The following IDE variants were observed in gnomAD, a reference collection of about 807,000 sequenced individuals.
IDE encodes insulin-degrading enzyme.
IDE carries 58 observed loss-of-function variants against 133.2 expected under a neutral mutation model. The ratio of observed to expected loss-of-function variants is 0.44; its 90% CI spans 0.35 to 0.54. IDE has a LOEUF of 0.54. IDE is among the 20% of genes least tolerant of loss of function. The pLI is 0.00. For synonymous variants in IDE, 396 were observed against 421.3 expected (o/e 0.94, Z 0.73); for missense variants, 981 against 1,234.0 (o/e 0.79, Z 3.07).
At chr10:92,504,504 AT>A (rs1164912435) in intron 11 of IDE, among the ~76,000 whole-genome samples, 2 of 152,128 alleles carry the variant, frequency 1.3e-5, no homozygotes, top group African/African-American at 2.4e-5. Flanking sequence ...TATTTTATTT[AT>A]GATAATAAAA....
chr10:92,492,590 C>G (rs1447824395), intron 11 of IDE, among the ~76,000 whole-genome samples: 13 of 152,190 alleles, frequency 8.5e-5, no homozygotes, highest in Admixed American at 7.8e-4. Flanking sequence ...CCACTTCTCC[C>G]TTAAGTCCCA....
At chr10:92,477,025 C>T (rs918016382) in intron 15 of IDE, among the ~76,000 whole-genome samples, 1 of 152,094 alleles carries the variant, frequency 6.6e-6, no homozygotes, top group African/African-American at 2.4e-5. Context: ...CATGAGCCAC[C>T]GTGCCAGGCA....
At chr10:92,483,434 AGT>A (rs1846742012) in intron 13 of IDE, 97 bp from the exon 14 acceptor site, 1 of 701,006 alleles carries the variant, frequency 1.4e-6, no homozygotes, top group African/African-American at 1.8e-5. Context: ...CAGAAGCAAT[AGT>A]TAGAGTTTTG....
intron 11 of IDE, among the ~76,000 whole-genome samples, chr10:92,494,560 A>G (rs1203974199): frequency 1.4e-4 from 22 of 152,114 alleles, no homozygotes; most frequent in Admixed American, 1.4e-3. Flanking sequence ...TGGGCAATAC[A>G]GTGAGATCCT....
intron 17 of IDE, among the ~76,000 whole-genome samples, chr10:92,471,260 A>G (rs572414816): frequency 6.6e-6 from 1 of 152,230 alleles, no homozygotes; most frequent in African/African-American, 2.4e-5. Context: ...ACACCATAGT[A>G]ATAACTGCTA....
intron 1 of IDE, among the ~76,000 whole-genome samples, chr10:92,560,558 G>A (rs1398584820): frequency 1.3e-5 from 2 of 151,992 alleles, no homozygotes; most frequent in Non-Finnish European, 2.9e-5. Flanking sequence ...CCTAGCACGT[G>A]GATCACCTGA....
intron 11 of IDE, among the ~76,000 whole-genome samples, chr10:92,504,043 A>G (rs1769994166): frequency 2.6e-5 from 4 of 151,982 alleles, no homozygotes; most frequent in African/African-American, 9.7e-5. Context: ...TTTTTTACAA[A>G]AAGTTCTATC....
intron 1 of IDE, among the ~76,000 whole-genome samples, chr10:92,546,966 T>C (rs917863366): frequency 2.0e-5 from 3 of 152,160 alleles, no homozygotes; most frequent in South Asian, 2.1e-4. Context: ...AAGAATACCA[T>C]ATAACGTTAA....
chr10:92,572,484 G>C (rs1445033038), intron 1 of IDE, among the ~76,000 whole-genome samples: 4 of 152,172 alleles, frequency 2.6e-5, no homozygotes, highest in South Asian at 2.1e-4. Context: ...TAAAGACTAA[G>C]TCCCAACAGG....
intron 1 of IDE, among the ~76,000 whole-genome samples, chr10:92,558,363 A>C (rs531172744): frequency 2.0e-4 from 30 of 152,126 alleles, no homozygotes; most frequent in Non-Finnish European, 4.0e-4. Flanking sequence ...CAATAATACA[A>C]ATCTTAAAAG....
Position 92,456,435 on chromosome 10 carries a change from G to C in IDE, c.2824-4C>G, listed in dbSNP as rs773274122. Reference sequence around the variant, plus strand: ...GAGCATCTACTGCCAACATTTCCTAGGCACAAAGAAGAGCAGGGTCACCCT... The same window carrying C: ...GAGCATCTACTGCCAACATTTCCTACGCACAAAGAAGAGCAGGGTCACCCT... On this transcript the variant is annotated splice_polypyrimidine_tract_variant and splice_region_variant and intron_variant, in intron 22 of 24. Transcript: ENST00000265986. The C allele has an allele frequency of 6.2e-7, 1 of 1,610,702 alleles. No individual in the cohort carries two copies. Among genetic ancestry groups the C allele is most frequent in the Admixed American group, 1.7e-5 (1 of 60,000 alleles).
intron 19 of IDE, 133 bp downstream of exon 19, chr10:92,468,746 C>G: frequency 1.9e-6 from 1 of 522,526 alleles, no homozygotes; most frequent in Non-Finnish European, 3.4e-6. Flanking sequence ...TATCTCTAAT[C>G]ATAATTCTGT....
chr10:92,532,683 C>T (rs1850006157), intron 3 of IDE, among the ~76,000 whole-genome samples: 1 of 152,142 alleles, frequency 6.6e-6, no homozygotes, highest in Non-Finnish European at 1.5e-5. Context: ...AATAAATTAA[C>T]TCTTCTATAT....
At position 92,515,000 on chromosome 10, in the gene IDE, A is replaced by G. The variant is rs776506140; in HGVS notation, c.704T>C (p.Ile235Thr). 3.2e-5 allele frequency: 52 copies of G among 1,610,268 alleles called. No homozygotes were observed. Among genetic ancestry groups the G allele is most frequent in the Middle Eastern group, 1.6e-4 (1 of 6,080 alleles). The change falls in exon 5 of 25, where the codon ATT (isoleucine) becomes ACT (threonine). Residue 235 changes from isoleucine (I) to threonine (T), a missense_variant. Physicochemically the swap from Ile to Thr is moderately conservative, Grantham distance 89. Around this residue, in one of 2 missense-constraint regions of IDE, gnomAD observed 321 missense variants for 339.3 expected, o/e 0.95. Coordinates refer to ENST00000265986, the MANE Select transcript of IDE (RefSeq NM_004969.4). Reference protein sequence around the residue: ...TLETRPNQEGIDVRQELLKFH... With the variant: ...TLETRPNQEGTDVRQELLKFH... The stretch of plus-strand genomic sequence containing the variant: ...TTTCAGTAGCTCTTGTCTTACATCA[A>G]TGCCTTCTTGGTTTGGTCTAGTCTC...
At chr10:92,532,518 G>A (rs1001609927) in intron 3 of IDE, among the ~76,000 whole-genome samples, 1 of 151,996 alleles carries the variant, frequency 6.6e-6, no homozygotes, top group African/African-American at 2.4e-5. Flanking sequence ...CATGATTATG[G>A]GCGTTTATGA....
chr10:92,524,390 TTTATATAATATATA>T, intron 4 of IDE, among the ~76,000 whole-genome samples: 1 of 89,170 alleles, frequency 1.1e-5, no homozygotes, highest in Admixed American at 2.0e-4. Flanking sequence ...TATAATATAT[TTTATATAATATATA>T]ATATATATTA....
intron 13 of IDE, 106 bp downstream of exon 13, chr10:92,487,090 A>G (rs1271468907): frequency 2.9e-6 from 3 of 1,051,926 alleles, no homozygotes; most frequent in Non-Finnish European, 1.4e-6. Context: ...TTAGGATGTG[A>G]GCCTCCCCAA....
intron 4 of IDE, among the ~76,000 whole-genome samples, chr10:92,524,463 TTA>T: frequency 1.9e-5 from 1 of 52,888 alleles, no homozygotes; most frequent in South Asian, 4.1e-4. Flanking sequence ...ATTATATATT[TTA>T]TATAATATAT....
intron 15 of IDE, among the ~76,000 whole-genome samples, chr10:92,477,384 GA>G (rs1589388672): frequency 6.6e-6 from 1 of 150,558 alleles, no homozygotes; most frequent in East Asian, 2.0e-4. Context: ...TCGAACTCCT[GA>G]GCTCAAAGCA....
Sources: gnomAD v4.1 joint callset for allele counts (sites outside exome capture counted in the v4.1 genomes callset) on GRCh38, gnomAD v4.1.1 for gene constraint, gnomAD v4.1.1 regional missense constraint, MANE v1.5 for transcripts, NCBI Gene and HGNC (gene_info 2026-07-23, HGNC 2026-07-21) for gene names.